VAC14: variants seen among roughly 807,000 people sequenced by gnomAD.
VAC14 encodes the protein protein VAC14 homolog.
A neutral mutation model predicts 85.3 loss-of-function variants in VAC14; 47 were observed. The observed-to-expected ratio is 0.55, with a 90% CI of 0.44 to 0.70. VAC14 has a LOEUF of 0.70. Ranked by LOEUF, VAC14 falls within the 30% of genes least tolerant of loss-of-function variation. The pLI is 0.00. For missense variants in VAC14, 861 were observed against 1,004.3 expected (o/e 0.86, Z 1.93); for synonymous variants, 447 against 430.5 (o/e 1.04, Z -0.47).
In VAC14 at chr16:70,698,612, G is replaced by A. The variant is rs759221227; in HGVS notation, c.1836+25C>T. 5 of 1,612,654 alleles carry A rather than the reference G, an allele frequency of 3.1e-6. No homozygotes were observed. The South Asian group carries it at 4.4e-5, about 14-fold the overall frequency. The stretch of plus-strand genomic sequence containing the variant: ...CCCCTGGCATGCAGGAGACGCCTGA[G>A]GATGGAGTCCCGGACGCAGCCTACC... On this transcript the variant is annotated intron_variant, in intron 15 of 18. Coordinates refer to ENST00000261776, the MANE Select transcript of VAC14 (RefSeq NM_018052.5).
chr16:70,694,032 C>G (rs1007242835), intron 17 of VAC14, among the ~76,000 whole-genome samples: 1 of 152,264 alleles, frequency 6.6e-6, no homozygotes, highest in Non-Finnish European at 1.5e-5. Context: ...CCAGTCCTTT[C>G]TTCCCTTTGG....
At position 70,783,153 on chromosome 16, in the gene VAC14, C is replaced by A; in HGVS notation, c.705-14G>T. On this transcript the variant is annotated splice_polypyrimidine_tract_variant and intron_variant, in intron 6 of 18. Transcript: ENST00000261776. ...ACAACCTCACACCTATGAACAAGAA[C>A]AGGAAAGTGGAAACAGCGAGGGTCA... is the stretch of plus-strand genomic sequence containing the variant. 6.2e-7 allele frequency: 1 copy of A among 1,612,198 alleles called. No individual in the cohort carries two copies. Among genetic ancestry groups the A allele is most frequent in the South Asian group, 1.1e-5 (1 of 90,830 alleles).
chr16:70,727,744 C>T (rs1192928869), intron 14 of VAC14, among the ~76,000 whole-genome samples: 3 of 152,268 alleles, frequency 2.0e-5, no homozygotes, highest in Non-Finnish European at 4.4e-5. Flanking sequence ...TTTGGAACGG[C>T]CTCAGCCCCC....
At position 70,786,088 on chromosome 16, in the gene VAC14, CG is replaced by C. The variant is rs2034042046; in HGVS notation, c.255+126del. On this transcript the variant is annotated intron_variant, in intron 2 of 18. Coordinates refer to ENST00000261776, the MANE Select transcript of VAC14 (RefSeq NM_018052.5). ...AAGCCAGCCTTGCTGGTCTCAGGTGCGGACAGAGTGGTAATAAAACATAGGT... is the reference window on the plus strand; with the variant it reads ...AAGCCAGCCTTGCTGGTCTCAGGTGCGACAGAGTGGTAATAAAACATAGGT... 2.0e-6 allele frequency: 3 copies of C among 1,467,260 alleles called. No homozygotes were observed. The South Asian group carries it at 3.9e-5, about 19-fold the overall frequency. The allele number at this position is 1,467,260 out of a possible 1,614,324, so 90.9% of individuals were successfully genotyped here.
chr16:70,735,325 G>T (rs980761483), intron 13 of VAC14, among the ~76,000 whole-genome samples: 1 of 152,186 alleles, frequency 6.6e-6, no homozygotes, highest in Non-Finnish European at 1.5e-5. Context: ...GGATGTGGAG[G>T]ATCTGGGAAC....
At chr16:70,787,764 C>A (rs2034136070) in intron 1 of VAC14, among the ~76,000 whole-genome samples, 2 of 152,068 alleles carry the variant, frequency 1.3e-5, no homozygotes, top group Non-Finnish European at 2.9e-5. Context: ...GGTGAGGATG[C>A]GGAAGTAGCC....
intron 12 of VAC14, among the ~76,000 whole-genome samples, chr16:70,754,601 G>A (rs1032279325): frequency 6.6e-6 from 1 of 152,134 alleles, no homozygotes; most frequent in African/African-American, 2.4e-5. Context: ...CCCTGCCCAC[G>A]GCAGGGCCAG....
At chr16:70,737,377 G>C (rs1054006258) in intron 13 of VAC14, among the ~76,000 whole-genome samples, 1 of 152,176 alleles carries the variant, frequency 6.6e-6, no homozygotes, top group South Asian at 2.1e-4. Flanking sequence ...TGCTGCAGCA[G>C]GGGGCGAGGG....
intron 14 of VAC14, among the ~76,000 whole-genome samples, chr16:70,718,688 A>C (rs898060831): frequency 1.3e-5 from 2 of 151,766 alleles, no homozygotes; most frequent in African/African-American, 4.8e-5. Context: ...CCCTTTCCTT[A>C]GGTGTGCTGT....
In VAC14 at chr16:70,688,843, C is replaced by T. The variant is rs567609871; in HGVS notation, c.2187-753G>A. On this transcript the variant is annotated intron_variant, in intron 18 of 18. Coordinates refer to ENST00000261776, the MANE Select transcript of VAC14 (RefSeq NM_018052.5). ...CGATGAGATCCCCTTGGGCTCCTGT[C>T]CTGTTCCTACTCACCCTCCAGCAGT... The T allele has an allele frequency of 6.8e-4, 675 of 985,620 alleles. 1 individual carries two copies. Among genetic ancestry groups the T allele is most frequent in the South Asian group, 4.4e-3 (93 of 21,284 alleles). 61.1% of individuals were successfully genotyped at this position (985,620 alleles called of 1,614,324 possible).
At chr16:70,737,951 C>T (rs779383383) in intron 13 of VAC14, among the ~76,000 whole-genome samples, 1 of 152,196 alleles carries the variant, frequency 6.6e-6, no homozygotes, top group African/African-American at 2.4e-5. Flanking sequence ...TGTGCCCGGA[C>T]AGCCCGTTGT....
At chr16:70,711,184 C>T (rs772657071) in intron 14 of VAC14, among the ~76,000 whole-genome samples, 1 of 152,198 alleles carries the variant, frequency 6.6e-6, no homozygotes. Flanking sequence ...GGACCACGTG[C>T]GGGCCTCACC....
At chr16:70,784,722 GAC>G in intron 4 of VAC14, 52 bp downstream of exon 4, 1 of 1,523,938 alleles carries the variant, frequency 6.6e-7, no homozygotes, top group Non-Finnish European at 9.1e-7. Context: ...AAGCTTTACA[GAC>G]AGACGGGAGA....
chr16:70,691,256 TGGCTC>T, intron 18 of VAC14: 1 of 985,422 alleles, frequency 1.0e-6, no homozygotes, highest in South Asian at 4.7e-5. Context: ...GAGGCTGGGC[TGGCTC>T]CCTGGCCAGG....
At chr16:70,719,166 G>A (rs921436613) in intron 14 of VAC14, among the ~76,000 whole-genome samples, 2 of 152,146 alleles carry the variant, frequency 1.3e-5, no homozygotes, top group Non-Finnish European at 2.9e-5. Flanking sequence ...CAAACAGGCT[G>A]GACTAGCTGG....
intron 14 of VAC14, among the ~76,000 whole-genome samples, chr16:70,700,447 C>T (rs940262077): frequency 2.6e-5 from 4 of 152,236 alleles, no homozygotes; most frequent in Non-Finnish European, 5.9e-5. Context: ...CAACTACCAG[C>T]GGTGTGATCT....
chr16:70,689,822 G>A, intron 18 of VAC14: 2 of 985,508 alleles, frequency 2.0e-6, no homozygotes, highest in Non-Finnish European at 2.4e-6. Context: ...CCCAGGCACA[G>A]TAACCTTGGG....
At chr16:70,747,079 C>T (rs2030957419) in intron 12 of VAC14, 1 of 152,134 alleles carries the variant, frequency 6.6e-6, no homozygotes, top group Non-Finnish European at 1.5e-5. Context: ...ATGGAAATAA[C>T]CCAAAGGCCC....
At chr16:70,704,880 G>A (rs1042686759) in intron 14 of VAC14, among the ~76,000 whole-genome samples, 6 of 152,152 alleles carry the variant, frequency 3.9e-5, no homozygotes, top group African/African-American at 9.7e-5. Flanking sequence ...GCCGTGCTCC[G>A]CCCTAGGGAA....
Sources: allele counts gnomAD v4.1 joint callset (sites outside exome capture counted in the v4.1 genomes callset), GRCh38; gene constraint gnomAD v4.1.1; transcripts MANE v1.5; gene names NCBI Gene and HGNC (gene_info 2026-07-23, HGNC 2026-07-21).